KSR2: variants seen among roughly 807,000 people sequenced by gnomAD.
KSR2 encodes kinase suppressor of ras 2.
Under a neutral mutation model 107.8 loss-of-function variants are expected in KSR2, and 25 were observed. That is an observed-to-expected ratio of 0.23 (90% CI 0.17 to 0.32). KSR2 has a LOEUF of 0.32. Ranked by LOEUF, KSR2 falls within the 10% of genes least tolerant of loss-of-function variation. The pLI is 1.00. For synonymous variants in KSR2, 480 were observed against 507.0 expected, an observed-to-expected ratio of 0.95 and a Z score of 0.71; for missense variants, 887 against 1,268.9, an observed-to-expected ratio of 0.70 and a Z score of 4.57.
chr12:117,843,225 G>A (rs1247549129), intron 3 of KSR2, among the ~76,000 whole-genome samples: 1 of 152,174 alleles, frequency 6.6e-6, no homozygotes, highest in African/African-American at 2.4e-5. Flanking sequence ...GATGAAGGAG[G>A]GAGAGAGGAA....
intron 14 of KSR2, among the ~76,000 whole-genome samples, chr12:117,509,704 G>A (rs1015154533): frequency 6.6e-6 from 1 of 152,196 alleles, no homozygotes; most frequent in Admixed American, 6.5e-5. Context: ...CCGAAGGGCT[G>A]TGCTAATAAC....
intron 1 of KSR2, among the ~76,000 whole-genome samples, chr12:117,863,356 C>T (rs530250636): frequency 1.3e-5 from 2 of 152,294 alleles, no homozygotes; most frequent in South Asian, 2.1e-4. Context: ...CTGGAAGCCT[C>T]CTGACACTGA....
chr12:117,941,307 T>C (rs1334312330), intron 1 of KSR2, among the ~76,000 whole-genome samples: 1 of 151,954 alleles, frequency 6.6e-6, no homozygotes, highest in African/African-American at 2.4e-5. Context: ...AGAATCACTG[T>C]GTGACCCCCT....
At chr12:117,615,115 C>A (rs1388975431) in intron 5 of KSR2, among the ~76,000 whole-genome samples, 2 of 151,722 alleles carry the variant, frequency 1.3e-5, no homozygotes, top group African/African-American at 4.8e-5. Context: ...ACTTTGGGAG[C>A]AAGAATCTTT....
intron 7 of KSR2, 69 bp from the exon 8 acceptor site, chr12:117,558,642 G>A (rs1877875929): frequency 2.0e-5 from 22 of 1,099,778 alleles, no homozygotes; most frequent in Non-Finnish European, 2.8e-5. Flanking sequence ...TGGGTGGGTG[G>A]ATGAATGGAT....
chr12:117,696,042 A>G (rs1019425632), intron 4 of KSR2, among the ~76,000 whole-genome samples: 2 of 152,196 alleles, frequency 1.3e-5, no homozygotes, highest in African/African-American at 4.8e-5. Flanking sequence ...GCTGTTAAAT[A>G]TCGTTTCTAG....
rs1470405030 is a variant in KSR2 at position 117,564,117 on chromosome 12, C to A, written c.1326-5544G>T. Among the ~76,000 whole-genome samples the A allele has an allele frequency of 2.6e-5, 4 of 152,130 alleles. No individual in the cohort carries two copies. In the East Asian group the frequency reaches 7.7e-4, roughly 29 times the overall value. ...TAATGAATTTGGTTCTCCAGGTGCT[C>A]CATTCCCGAAGGAGGAAGGGAAGAG... is the stretch of plus-strand genomic sequence containing the variant. On this transcript the variant is annotated intron_variant, in intron 7 of 19. Coordinates refer to ENST00000339824, the MANE Select transcript of KSR2 (RefSeq NM_173598.6).
At position 117,762,171 on chromosome 12, in the gene KSR2, C is replaced by T. The variant is rs923714750; in HGVS notation, c.473-647G>A. ...GTTAATTCTCACTTTTTGAACTTCC[C>T]AAGGTCCCAGTTCTGGTAGTTTCAA... On this transcript the variant is annotated intron_variant, in intron 3 of 19. Coordinates refer to ENST00000339824, the MANE Select transcript of KSR2 (RefSeq NM_173598.6). 3.3e-5 allele frequency among the ~76,000 whole-genome samples: 5 copies of T among 152,218 alleles called. No individual in the cohort carries two copies. The East Asian group carries it at 5.8e-4, about 18-fold the overall frequency.
At chr12:117,663,834 A>G (rs1884538282) in intron 5 of KSR2, among the ~76,000 whole-genome samples, 1 of 152,210 alleles carries the variant, frequency 6.6e-6, no homozygotes, top group African/African-American at 2.4e-5. Context: ...GAGATAGCCT[A>G]CAAGGAGCCC....
intron 5 of KSR2, among the ~76,000 whole-genome samples, chr12:117,634,350 A>G (rs11068590): frequency 0.16 from 25,075 of 152,120 alleles, 2,151 homozygotes; most frequent in Middle Eastern, 0.23. Flanking sequence ...GCAAGACGGA[A>G]CTTCCAAAAG....
chr12:117,900,362 TAAGA>T (rs1321614196), intron 1 of KSR2, among the ~76,000 whole-genome samples: 1 of 152,104 alleles, frequency 6.6e-6, no homozygotes, highest in Non-Finnish European at 1.5e-5. Context: ...ACAGACCCTA[TAAGA>T]AAGAAACCTT....
chr12:117,618,094 G>A (rs1354074040), intron 5 of KSR2, among the ~76,000 whole-genome samples: 1 of 152,124 alleles, frequency 6.6e-6, no homozygotes, highest in African/African-American at 2.4e-5. Context: ...AAAAATTTGA[G>A]GAGATAATTT....
chr12:117,555,562 T>C (rs1418016925), intron 8 of KSR2, among the ~76,000 whole-genome samples: 1 of 152,268 alleles, frequency 6.6e-6, no homozygotes, highest in Admixed American at 6.5e-5. Flanking sequence ...CAATTGTTTC[T>C]TATTGGCAGA....
intron 3 of KSR2, among the ~76,000 whole-genome samples, chr12:117,793,055 TGC>T (rs747282243): frequency 3.7e-4 from 50 of 133,530 alleles, no homozygotes; most frequent in Non-Finnish European, 6.2e-4. Context: ...CACATCAACA[TGC>T]ACACACACCA....
intron 3 of KSR2, among the ~76,000 whole-genome samples, chr12:117,798,044 C>A (rs952273499): frequency 2.0e-5 from 3 of 152,110 alleles, no homozygotes; most frequent in Non-Finnish European, 4.4e-5. Context: ...GCATGGGGGC[C>A]CTGATCCCGT....
intron 4 of KSR2, among the ~76,000 whole-genome samples, chr12:117,709,020 C>G (rs558311804): frequency 1.3e-5 from 2 of 152,130 alleles, no homozygotes; most frequent in South Asian, 4.2e-4. Context: ...CTCCTTTTTT[C>G]TAATTGATTC....
At chr12:117,766,671 G>C (rs1445033981) in intron 3 of KSR2, among the ~76,000 whole-genome samples, 1 of 152,108 alleles carries the variant, frequency 6.6e-6, no homozygotes, top group Non-Finnish European at 1.5e-5. Flanking sequence ...CCAGGAGGTG[G>C]GGGTGGGTAG....
intron 4 of KSR2, among the ~76,000 whole-genome samples, chr12:117,710,139 G>GA (rs1565973566): frequency 6.6e-6 from 1 of 152,002 alleles, no homozygotes; most frequent in Non-Finnish European, 1.5e-5. Context: ...AGAAATGAGT[G>GA]AAAAAAATAG....
intron 3 of KSR2, among the ~76,000 whole-genome samples, chr12:117,789,272 T>C (rs1207776190): frequency 6.6e-6 from 1 of 152,182 alleles, no homozygotes; most frequent in Non-Finnish European, 1.5e-5. Context: ...CTTAATGAAG[T>C]AGATACAGTC....
Sources: gnomAD v4.1 joint callset for allele counts (sites outside exome capture counted in the v4.1 genomes callset) on GRCh38, gnomAD v4.1.1 for gene constraint, MANE v1.5 for transcripts, NCBI Gene and HGNC (gene_info 2026-07-23, HGNC 2026-07-21) for gene names.